CADPS2: variants seen among roughly 807,000 people sequenced by gnomAD.
The protein encoded by CADPS2 is calcium-dependent secretion activator 2.
A neutral mutation model predicts 172.5 loss-of-function variants in CADPS2; 93 were observed. That is an observed-to-expected ratio of 0.54 (90% CI 0.46 to 0.64). CADPS2 has a LOEUF of 0.64. Among genes scored for constraint, CADPS2 ranks in the 30% least tolerant of loss-of-function variants. The pLI is 0.00. For missense variants in CADPS2, 1,420 were observed against 1,565.9 expected (o/e 0.91, Z 1.57); for synonymous variants, 546 against 555.2 (o/e 0.98, Z 0.23).
In CADPS2 at chr7:122,606,063, A is replaced by C. The variant is rs542525581; in HGVS notation, c.1223+9118T>G. ...GAATACTTGTATAAATTCTTTGCCA[A>C]CTTTACTGAAAGTAAAATACAAGCC... On this transcript the variant is annotated intron_variant, in intron 6 of 29. Transcript: ENST00000449022. 7.2e-5 allele frequency among the ~76,000 whole-genome samples: 11 copies of C among 152,308 alleles called. No individual in the cohort carries two copies. The South Asian group carries it at 1.9e-3, about 26-fold the overall frequency.
At chr7:122,634,597 A>C (rs933176509) in intron 3 of CADPS2, among the ~76,000 whole-genome samples, 3 of 152,076 alleles carry the variant, frequency 2.0e-5, no homozygotes, top group African/African-American at 7.2e-5. Context: ...AATCCTGTTT[A>C]TGTTTTCAAA....
chr7:122,442,456 C>G (rs1041773135), intron 15 of CADPS2, among the ~76,000 whole-genome samples: 1 of 152,140 alleles, frequency 6.6e-6, no homozygotes, highest in African/African-American at 2.4e-5. Context: ...GCACCTTGCT[C>G]TGACTTAGAA....
intron 4 of CADPS2, among the ~76,000 whole-genome samples, chr7:122,624,312 A>G (rs929354813): frequency 6.6e-6 from 1 of 152,238 alleles, no homozygotes; most frequent in Non-Finnish European, 1.5e-5. Flanking sequence ...TCCTCTGTAC[A>G]GCATAGGTCC....
At chr7:122,786,026 G>C (rs1419403123) in intron 1 of CADPS2, among the ~76,000 whole-genome samples, 2 of 152,190 alleles carry the variant, frequency 1.3e-5, no homozygotes, top group Admixed American at 1.3e-4. Flanking sequence ...TTAACTTCTA[G>C]AAGGGATAAT....
intron 5 of CADPS2, 27 bp from the exon 6 acceptor site, chr7:122,615,326 T>A (rs982615336): frequency 7.2e-7 from 1 of 1,382,330 alleles, no homozygotes; most frequent in African/African-American, 1.4e-5. Flanking sequence ...TTTAAAATAA[T>A]GCATCAAGTT....
chr7:122,396,235 A>G (rs1467938443), intron 20 of CADPS2, among the ~76,000 whole-genome samples: 1 of 152,200 alleles, frequency 6.6e-6, no homozygotes, highest in Non-Finnish European at 1.5e-5. Flanking sequence ...TAACCTCTAT[A>G]AAACTACCAT....
At chr7:122,476,442 A>G (rs1216342392) in intron 12 of CADPS2, among the ~76,000 whole-genome samples, 3 of 152,124 alleles carry the variant, frequency 2.0e-5, no homozygotes, top group East Asian at 1.9e-4. Flanking sequence ...TAAATAAAAA[A>G]TGTTTCTGAA....
chr7:122,812,614 C>A (rs907836884), intron 1 of CADPS2, among the ~76,000 whole-genome samples: 1 of 152,076 alleles, frequency 6.6e-6, no homozygotes, highest in East Asian at 1.9e-4. Context: ...AATAAGTCTT[C>A]TATTTTTTCT....
chr7:122,593,175 C>T (rs370849267), intron 6 of CADPS2, among the ~76,000 whole-genome samples: 1 of 151,750 alleles, frequency 6.6e-6, no homozygotes, highest in Non-Finnish European at 1.5e-5. Flanking sequence ...AGACATCAAA[C>T]TATACTACTC....
intron 20 of CADPS2, among the ~76,000 whole-genome samples, chr7:122,401,502 C>T (rs2045952161): frequency 6.6e-6 from 1 of 152,198 alleles, no homozygotes; most frequent in South Asian, 2.1e-4. Flanking sequence ...GAAGTGGTCA[C>T]TTGCCTTATC....
intron 17 of CADPS2, among the ~76,000 whole-genome samples, chr7:122,418,032 C>T (rs985904344): frequency 3.9e-5 from 6 of 151,902 alleles, no homozygotes; most frequent in Admixed American, 2.0e-4. Context: ...TAGCTGGGCC[C>T]GGTGGTGGGC....
chr7:122,698,407 A>T, intron 2 of CADPS2: 1 of 1,613,874 alleles, frequency 6.2e-7, no homozygotes, highest in African/African-American at 1.3e-5. Flanking sequence ...TGTAATGAGA[A>T]CTCCCTTCTT....
chr7:122,645,405 A>G (rs2078295638), intron 3 of CADPS2, among the ~76,000 whole-genome samples: 1 of 26,468 alleles, frequency 3.8e-5, no homozygotes, highest in Non-Finnish European at 1.2e-4. Context: ...ATATATGTAC[A>G]TATACACACA....
chr7:122,359,519 T>C (rs762764891), intron 27 of CADPS2, among the ~76,000 whole-genome samples: 4 of 152,158 alleles, frequency 2.6e-5, no homozygotes, highest in Non-Finnish European at 5.9e-5. Context: ...AGAACATGAA[T>C]AATTTTGGTG....
chr7:122,570,935 G>A (rs1040990721), intron 7 of CADPS2, among the ~76,000 whole-genome samples: 2 of 151,890 alleles, frequency 1.3e-5, no homozygotes, highest in African/African-American at 4.8e-5. Flanking sequence ...CTAATGCTAA[G>A]TGACGAGTTA....
chr7:122,722,458 T>C (rs1588743662), intron 2 of CADPS2, among the ~76,000 whole-genome samples: 1 of 151,140 alleles, frequency 6.6e-6, no homozygotes, highest in South Asian at 2.1e-4. Flanking sequence ...TCAAAGAGAA[T>C]AAAATACCTA....
intron 3 of CADPS2, among the ~76,000 whole-genome samples, chr7:122,660,289 A>T (rs891513482): frequency 6.6e-6 from 1 of 152,186 alleles, no homozygotes; most frequent in African/African-American, 2.4e-5. Flanking sequence ...ATGAAGCCTT[A>T]TAGTATAGTG....
At chr7:122,812,186 A>G (rs1015492426) in intron 1 of CADPS2, among the ~76,000 whole-genome samples, 1 of 152,102 alleles carries the variant, frequency 6.6e-6, no homozygotes, top group Non-Finnish European at 1.5e-5. Context: ...TGGAGGTTAT[A>G]TATGTTGGTA....
intron 2 of CADPS2, among the ~76,000 whole-genome samples, chr7:122,723,221 A>C (rs2090676106): frequency 1.3e-5 from 2 of 152,310 alleles, no homozygotes; most frequent in South Asian, 2.1e-4. Context: ...AGTGAAAGAA[A>C]CTACCATCAG....
Sources: gnomAD v4.1 joint callset for allele counts (sites outside exome capture counted in the v4.1 genomes callset) on GRCh38, gnomAD v4.1.1 for gene constraint, MANE v1.5 for transcripts, NCBI Gene and HGNC (gene_info 2026-07-23, HGNC 2026-07-21) for gene names.